KLF13: variants seen among roughly 807,000 people sequenced by gnomAD.
The protein encoded by KLF13 is Krueppel-like factor 13.
Under a neutral mutation model 16.7 loss-of-function variants are expected in KLF13, and 8 were observed. The ratio of observed to expected loss-of-function variants is 0.48; its 90% CI spans 0.28 to 0.87. The LOEUF (loss-of-function observed/expected upper bound fraction) is 0.87, where lower values mean the gene tolerates loss of function less well. KLF13 is among the 40% of genes least tolerant of loss of function. The pLI is 0.10. For synonymous variants in KLF13, 245 were observed against 208.4 expected (o/e 1.18, Z -1.51); for missense variants, 447 against 452.2 (o/e 0.99, Z 0.10).
At chr15:31,380,135 C>G (rs1007339536), downstream of KLF13, among the ~76,000 whole-genome samples, 2 of 152,178 alleles carry the variant, frequency 1.3e-5, no homozygotes, top group Admixed American at 6.5e-5. Context: ...GAAACCCTGT[C>G]TCTACTAAAA....
chr15:31,398,356 T>TG (rs1177977548), intron 2 of KLF13, among the ~76,000 whole-genome samples: 1 of 152,114 alleles, frequency 6.6e-6, no homozygotes, highest in Non-Finnish European at 1.5e-5. Context: ...AGAAGGCGTA[T>TG]GGGGGTGGCA....
At chr15:31,341,419 A>G (rs987996713) in intron 1 of KLF13, among the ~76,000 whole-genome samples, 1 of 150,302 alleles carries the variant, frequency 6.7e-6, no homozygotes, top group Non-Finnish European at 1.5e-5. Context: ...CCCCTGCAGT[A>G]TTGTTCATGG....
rs189489790 is a variant in KLF13, at chr15:31,423,825, T to G, written n.118-11545T>G. 1.1e-3 allele frequency among the ~76,000 whole-genome samples: 164 copies of G among 152,328 alleles called. 3 individuals are homozygous for G. Among genetic ancestry groups the G allele is most frequent in the Non-Finnish European group, 2.9e-4 (20 of 68,028 alleles). On this transcript the variant is annotated intron_variant and non_coding_transcript_variant, in intron 1 of 1. Coordinates refer to the KLF13 transcript ENST00000558225. The stretch of plus-strand genomic sequence containing the variant: ...TCATACCAACTGTCTTTTCTGATTT[T>G]GTTGGAATAAAACTAGAAATCAATA...
At position 31,352,431 on chromosome 15, in the gene KLF13, C is replaced by T. The variant is rs115105365; in HGVS notation, c.578-19579C>T. ...TGAGAAAGGACAGGCTGTGTGAGCT[C>T]TGCCTGGCCCAGGTGTGGGCTGGCC... On this transcript the variant is annotated intron_variant, in intron 1 of 1. Transcript: ENST00000307145. Among the ~76,000 whole-genome samples, 1,010 of 152,368 alleles carry T rather than the reference C, an allele frequency of 6.6e-3. 17 individuals are homozygous for T. The highest frequency in any genetic ancestry group is 0.023 in the African/African-American group (977 of 41,584).
intron 1 of KLF13, among the ~76,000 whole-genome samples, chr15:31,361,207 G>A (rs920242276): frequency 6.6e-6 from 1 of 152,176 alleles, no homozygotes; most frequent in Non-Finnish European, 1.5e-5. Flanking sequence ...CGCACTGTGG[G>A]TGGGTGCCCC....
At chr15:31,347,459 A>G (rs1272798002) in intron 1 of KLF13, among the ~76,000 whole-genome samples, 1 of 152,148 alleles carries the variant, frequency 6.6e-6, no homozygotes, top group East Asian at 1.9e-4. Context: ...TGCTAGCGTC[A>G]AAGGGCACCC....
downstream of KLF13, among the ~76,000 whole-genome samples, chr15:31,405,813 C>T (rs2040121095): frequency 6.6e-6 from 1 of 152,156 alleles, no homozygotes; most frequent in Admixed American, 6.5e-5. Flanking sequence ...TATCTTTCAT[C>T]TGTGTACATG....
chr15:31,431,064 G>C (rs188205992), intron 1 of KLF13, among the ~76,000 whole-genome samples: 60 of 152,328 alleles, frequency 3.9e-4, no homozygotes, highest in Middle Eastern at 3.4e-3. Context: ...TGCAGCAGAT[G>C]ATTAGGTCAT....
chr15:31,423,138 C>CGTATATATACGTATAT (rs2040357337), intron 1 of KLF13, among the ~76,000 whole-genome samples: 1 of 33,492 alleles, frequency 3.0e-5, no homozygotes, highest in African/African-American at 2.5e-4. Flanking sequence ...TATACGTATA[C>CGTATATATACGTATAT]GTATACGTAT....
chr15:31,335,435 ATGTG>A (rs71110867), intron 1 of KLF13, among the ~76,000 whole-genome samples: 24 of 34,938 alleles, frequency 6.9e-4, no homozygotes, highest in African/African-American at 1.6e-3. Context: ...GTGTGTGTGT[ATGTG>A]TGTGTGTGTG....
downstream of KLF13, among the ~76,000 whole-genome samples, chr15:31,409,302 C>A (rs1169579498): frequency 6.6e-6 from 1 of 151,888 alleles, no homozygotes; most frequent in African/African-American, 2.4e-5. Flanking sequence ...CCCCAAAAAA[C>A]AAACAAACAA....
intron 1 of KLF13, among the ~76,000 whole-genome samples, chr15:31,368,745 G>A (rs959692320): frequency 6.6e-6 from 1 of 152,078 alleles, no homozygotes; most frequent in Non-Finnish European, 1.5e-5. Context: ...CCAGCTAGTC[G>A]AGAGGCTGAG....
chr15:31,340,863 T>C (rs747292207), intron 1 of KLF13, among the ~76,000 whole-genome samples: 6 of 152,128 alleles, frequency 3.9e-5, no homozygotes, highest in Non-Finnish European at 7.4e-5. Flanking sequence ...GGGGAGATCC[T>C]ATCTTAAAAA....
rs904122982 is a variant in KLF13, at chr15:31,398,120, G to C, written n.529+4429G>C. On this transcript the variant is annotated intron_variant and non_coding_transcript_variant, in intron 2 of 2. Coordinates refer to the KLF13 transcript ENST00000500533. ...TACCCAGTAATTTACCTGATCTCTC[G>C]GATAAGGCCTTTGCCTGGACAGGTT... Among the ~76,000 whole-genome samples, 5 of 152,280 alleles carry C rather than the reference G, an allele frequency of 3.3e-5. No individual in the cohort carries two copies. In the East Asian group the frequency reaches 9.6e-4, roughly 29 times the overall value.
In KLF13 at chr15:31,327,162, C is replaced by T. The variant is rs1262189857; in HGVS notation, c.-51C>T. 1.7e-6 allele frequency: 2 copies of T among 1,171,174 alleles called. No individual in the cohort carries two copies. Among genetic ancestry groups the T allele is most frequent in the East Asian group, 9.2e-5 (2 of 21,628 alleles). The allele number at this position is 1,171,174 out of a possible 1,614,324, so 72.5% of individuals were successfully genotyped here. On this transcript the variant is annotated 5_prime_UTR_variant, in exon 1 of 2. Coordinates refer to ENST00000307145, the MANE Select transcript of KLF13 (RefSeq NM_015995.4). ...TCTCCCGAGGCCGTGGGTGCGGATG[C>T]GCGGCTGACGACTCGCAGCAAGAGC...
At chr15:31,389,647 T>A (rs762102502), upstream of KLF13, among the ~76,000 whole-genome samples, 1 of 152,202 alleles carries the variant, frequency 6.6e-6, no homozygotes, top group Non-Finnish European at 1.5e-5. Context: ...GGGAGTAGGA[T>A]GGCCTCTGCT....
chr15:31,398,237 G>C (rs1245560982), intron 2 of KLF13, among the ~76,000 whole-genome samples: 1 of 152,174 alleles, frequency 6.6e-6, no homozygotes, highest in Non-Finnish European at 1.5e-5. Flanking sequence ...AAGGAGCCCA[G>C]GCCTCAGAGG....
downstream of KLF13, among the ~76,000 whole-genome samples, chr15:31,406,814 C>CCTCTGA (rs1041129815): frequency 6.6e-6 from 1 of 152,082 alleles, no homozygotes; most frequent in African/African-American, 2.4e-5. Flanking sequence ...TAGATCTCTC[C>CCTCTGA]CTCTGACTCT....
At chr15:31,421,409 C>A (rs1462532412) in intron 1 of KLF13, among the ~76,000 whole-genome samples, 1 of 151,938 alleles carries the variant, frequency 6.6e-6, no homozygotes, top group African/African-American at 2.4e-5. Flanking sequence ...CACATTTAAT[C>A]CTGGTATAAA....
Sources: allele counts gnomAD v4.1 joint callset (sites outside exome capture counted in the v4.1 genomes callset), GRCh38; gene constraint gnomAD v4.1.1; transcripts MANE v1.5; gene names NCBI Gene and HGNC (gene_info 2026-07-23, HGNC 2026-07-21).